The following PDGFRL variants were observed in gnomAD, a reference collection of about 807,000 sequenced individuals.
PDGFRL encodes platelet derived growth factor receptor like, also known as platelet-derived growth factor receptor-like protein.
A neutral mutation model predicts 37.2 loss-of-function variants in PDGFRL; 46 were observed. That is an observed-to-expected ratio of 1.24 (90% CI 0.98 to 1.58). PDGFRL has a LOEUF of 1.58. Among genes scored for constraint, PDGFRL ranks in the 40% most tolerant of loss-of-function variants. The pLI is 0.00. For synonymous variants in PDGFRL, 251 were observed against 184.3 expected (o/e 1.36, Z -2.93); for missense variants, 692 against 467.6 (o/e 1.48, Z -4.43).
At chr8:17,585,559 G>A (rs1442156201) in intron 1 of PDGFRL, among the ~76,000 whole-genome samples, 1 of 152,156 alleles carries the variant, frequency 6.6e-6, no homozygotes, top group Non-Finnish European at 1.5e-5. Context: ...AAAAATGAGA[G>A]TGGCATCTCT....
chr8:17,630,994 G>A (rs964081931), intron 4 of PDGFRL, among the ~76,000 whole-genome samples: 5 of 152,096 alleles, frequency 3.3e-5, no homozygotes, highest in African/African-American at 1.2e-4. Flanking sequence ...TCCAGAGCAC[G>A]TGGCCACCAG....
At chr8:17,576,742 CG>C (rs1803587967), upstream of PDGFRL, 3 of 967,712 alleles carry the variant, frequency 3.1e-6, no homozygotes, top group African/African-American at 1.8e-5. Context: ...AGCAAGAACC[CG>C]GGGCAACGGT....
At chr8:17,631,187 C>T (rs1359225255) in intron 4 of PDGFRL, among the ~76,000 whole-genome samples, 5 of 152,132 alleles carry the variant, frequency 3.3e-5, no homozygotes, top group Non-Finnish European at 7.4e-5. Flanking sequence ...GCCGCTCCCT[C>T]GCCTTTCTGG....
intron 1 of PDGFRL, among the ~76,000 whole-genome samples, chr8:17,586,222 G>A (rs566373067): frequency 1.3e-5 from 2 of 152,284 alleles, no homozygotes; most frequent in African/African-American, 4.8e-5. Flanking sequence ...TCAGAGTGCT[G>A]GGATTATAGG....
At chr8:17,601,455 GTT>G (rs11330550) in intron 2 of PDGFRL, among the ~76,000 whole-genome samples, 3 of 146,092 alleles carry the variant, frequency 2.1e-5, no homozygotes, top group African/African-American at 2.5e-5. Context: ...CCCCGTTTTT[GTT>G]TTTTTTTTTT....
intron 4 of PDGFRL, among the ~76,000 whole-genome samples, chr8:17,631,209 CTCT>C (rs1254855068): frequency 6.6e-6 from 1 of 152,120 alleles, no homozygotes; most frequent in Non-Finnish European, 1.5e-5. Flanking sequence ...GTGAAGCACC[CTCT>C]TGCCAGCCTT....
chr8:17,637,365 A>G (rs946924341), intron 5 of PDGFRL, among the ~76,000 whole-genome samples: 39 of 152,070 alleles, frequency 2.6e-4, no homozygotes, highest in African/African-American at 8.9e-4. Flanking sequence ...TTTTAATTCT[A>G]TGTGGTGTAT....
chr8:17,603,182 C>T (rs751160449), intron 2 of PDGFRL, among the ~76,000 whole-genome samples: 26 of 152,080 alleles, frequency 1.7e-4, no homozygotes, highest in African/African-American at 6.0e-4. Flanking sequence ...CGGGGTTTTG[C>T]GATGTTGGCC....
intron 2 of PDGFRL, among the ~76,000 whole-genome samples, chr8:17,598,803 T>C (rs1804105569): frequency 6.6e-6 from 1 of 152,002 alleles, no homozygotes; most frequent in African/African-American, 2.4e-5. Context: ...CCCATACTGT[T>C]CTCATGGTAG....
At chr8:17,577,986 G>A (rs1423140338) in intron 1 of PDGFRL, among the ~76,000 whole-genome samples, 1 of 151,896 alleles carries the variant, frequency 6.6e-6, no homozygotes, top group Non-Finnish European at 1.5e-5. Context: ...GTTTTTGAAT[G>A]TGTACCTGTC....
intron 5 of PDGFRL, among the ~76,000 whole-genome samples, chr8:17,634,872 C>A (rs946285136): frequency 6.6e-6 from 1 of 151,980 alleles, no homozygotes; most frequent in Non-Finnish European, 1.5e-5. Context: ...GGGTACTAGG[C>A]TGAATATTAA....
intron 2 of PDGFRL, among the ~76,000 whole-genome samples, chr8:17,596,018 A>G (rs558365745): frequency 9.2e-5 from 14 of 152,260 alleles, no homozygotes; most frequent in Non-Finnish European, 4.4e-5. Context: ...CGTTGACAAG[A>G]GGAGGTGGGT....
chr8:17,620,648 T>G (rs538776387), intron 2 of PDGFRL, among the ~76,000 whole-genome samples: 5 of 152,334 alleles, frequency 3.3e-5, no homozygotes, highest in Admixed American at 2.6e-4. Context: ...AACATTTCTA[T>G]GTATTTGATC....
intron 2 of PDGFRL, among the ~76,000 whole-genome samples, chr8:17,594,879 A>G (rs1236141226): frequency 2.0e-5 from 3 of 152,204 alleles, no homozygotes; most frequent in African/African-American, 7.2e-5. Flanking sequence ...AGCGATAGGC[A>G]TTTAGGCTCC....
In PDGFRL at chr8:17,642,690, G is replaced by C. The variant is rs905883905; in HGVS notation, c.1017G>C (p.Gln339His). ...TGGGACACACCACGAGAATCTCCCA[G>C]AGTGTCATTACAGTGGAAGACTTTG... ...RGLGHTTRIS[Q>H]SVITVEDFET... The change falls in exon 6 of 6, where the codon CAG (glutamine) becomes CAC (histidine). Residue 339 changes from glutamine (Q) to histidine (H), a missense_variant. Coordinates refer to ENST00000251630, the MANE Select transcript of PDGFRL (RefSeq NM_001372073.1). 6.2e-7 allele frequency: 1 copy of C among 1,603,288 alleles called. No individual in the cohort carries two copies. The highest frequency in any genetic ancestry group is 1.1e-5 in the South Asian group (1 of 90,872).
intron 1 of PDGFRL, among the ~76,000 whole-genome samples, chr8:17,588,226 T>G (rs1316012997): frequency 6.6e-6 from 1 of 152,212 alleles, no homozygotes; most frequent in Non-Finnish European, 1.5e-5. Context: ...TTGCTACAGT[T>G]ACAGTTGAGT....
chr8:17,577,951 G>A (rs1803623036), intron 1 of PDGFRL, among the ~76,000 whole-genome samples: 1 of 151,864 alleles, frequency 6.6e-6, no homozygotes, highest in African/African-American at 2.4e-5. Flanking sequence ...TTTTGGTACA[G>A]CTTATGGGAC....
intron 2 of PDGFRL, 35 bp from the exon 3 acceptor site, chr8:17,621,016 G>T (rs80343296): frequency 0.063 from 97,879 of 1,551,252 alleles, 4,075 homozygotes; most frequent in Admixed American, 0.17. Flanking sequence ...AGCCAGGTCT[G>T]ACTTGCTTTG....
intron 2 of PDGFRL, among the ~76,000 whole-genome samples, chr8:17,611,028 G>T (rs562583778): frequency 6.6e-6 from 1 of 152,340 alleles, no homozygotes; most frequent in Admixed American, 6.5e-5. Flanking sequence ...CATTTGGTTA[G>T]GACTTACTTA....
Sources: gnomAD v4.1 joint callset for allele counts (sites outside exome capture counted in the v4.1 genomes callset) on GRCh38, gnomAD v4.1.1 for gene constraint, MANE v1.5 for transcripts, NCBI Gene and HGNC (gene_info 2026-07-23, HGNC 2026-07-21) for gene names.